PON3: variants seen among roughly 807,000 people sequenced by gnomAD.
The protein encoded by PON3 is paraoxonase 3, also known as serum paraoxonase/lactonase 3.
In PON3, 37 loss-of-function variants were observed where a neutral mutation model predicts 36.3. The ratio of observed to expected loss-of-function variants is 1.02; its 90% CI spans 0.78 to 1.34. The LOEUF is 1.34. Among genes scored for constraint, PON3 ranks in the 40% most tolerant of loss-of-function variants. The pLI is 0.00. For synonymous variants in PON3, 155 were observed against 154.8 expected (o/e 1.00, Z -0.01); for missense variants, 415 against 426.5 (o/e 0.97, Z 0.24).
intron 3 of PON3, among the ~76,000 whole-genome samples, chr7:95,375,907 C>T (rs1330716458): frequency 6.6e-6 from 1 of 152,190 alleles, no homozygotes; most frequent in African/African-American, 2.4e-5. Flanking sequence ...TCCCAACAAA[C>T]TACAGGTAAA....
In PON3 at chr7:95,396,278, T is replaced by TA; in HGVS notation, c.72dup (p.Arg25Ter). The TA allele has an allele frequency of 6.2e-7, 1 of 1,613,894 alleles. No individual in the cohort carries two copies. The highest frequency in any genetic ancestry group is 8.5e-7 in the Non-Finnish European group (1 of 1,179,958). ...ACGCCCTGTCAAGATGCCACTCACC[T>TA]AAACGCCAGGAACATCTCCCCGACT... On this transcript the variant is annotated frameshift_variant and splice_region_variant, in exon 1 of 9. Coordinates refer to ENST00000265627, the MANE Select transcript of PON3 (RefSeq NM_000940.3). LOFTEE classifies it high-confidence loss of function.
chr7:95,382,234 C>G (rs536920961), intron 3 of PON3, among the ~76,000 whole-genome samples: 1 of 152,168 alleles, frequency 6.6e-6, no homozygotes, highest in Admixed American at 6.5e-5. Flanking sequence ...GCACTAAATG[C>G]CCACAAGAGA....
chr7:95,377,179 G>A (rs550297941), intron 3 of PON3, among the ~76,000 whole-genome samples: 1 of 152,316 alleles, frequency 6.6e-6, no homozygotes, highest in South Asian at 2.1e-4. Context: ...CTGCGATGCT[G>A]CAGCTTGGCA....
chr7:95,377,642 G>C (rs1316157928), intron 3 of PON3: 2 of 354,278 alleles, frequency 5.6e-6, no homozygotes, highest in African/African-American at 4.4e-5. Context: ...ACAGGGTCTG[G>C]AGTGGACTTC....
rs752552219 is a variant in PON3 at position 95,396,281 on chromosome 7, A to T, written c.70T>A (p.Phe24Ile). The change falls in exon 1 of 9, where the codon TTT (phenylalanine) becomes ATT (isoleucine). Residue 24 changes from phenylalanine (F) to isoleucine (I), a missense_variant. Phe to Ile is a conservative substitution (Grantham distance 21, BLOSUM62 0). Coordinates refer to ENST00000265627, the MANE Select transcript of PON3 (RefSeq NM_000940.3). ...CCCTGTCAAGATGCCACTCACCTAA[A>T]CGCCAGGAACATCTCCCCGACTAAG... Reference protein sequence around the residue: ...LSLVGEMFLAFRERVNASREV... With the variant: ...LSLVGEMFLAIRERVNASREV... 11 of 1,613,724 alleles carry T rather than the reference A, an allele frequency of 6.8e-6. No individual in the cohort carries two copies. Among genetic ancestry groups the T allele is most frequent in the African/African-American group, 1.3e-5 (1 of 74,836 alleles).
At chr7:95,376,635 G>T (rs1431193162) in intron 3 of PON3, among the ~76,000 whole-genome samples, 1 of 147,118 alleles carries the variant, frequency 6.8e-6, no homozygotes, top group East Asian at 2.0e-4. Context: ...TTTAGTTCCA[G>T]TGAAAATTAA....
At chr7:95,374,090 C>T (rs1808865828) in intron 3 of PON3, among the ~76,000 whole-genome samples, 1 of 152,130 alleles carries the variant, frequency 6.6e-6, no homozygotes, top group South Asian at 2.1e-4. Context: ...TGACCATTCC[C>T]CACTCCCCCT....
intron 3 of PON3, among the ~76,000 whole-genome samples, chr7:95,378,557 C>A (rs868790361): frequency 3.3e-5 from 5 of 152,180 alleles, no homozygotes; most frequent in East Asian, 3.8e-4. Flanking sequence ...GCTGATCTCT[C>A]GGCACAAACC....
At chr7:95,367,128 T>C (rs1808714977) in intron 5 of PON3, among the ~76,000 whole-genome samples, 1 of 152,184 alleles carries the variant, frequency 6.6e-6, no homozygotes, top group South Asian at 2.1e-4. Context: ...TGAGCACCTT[T>C]ATAGGATTAA....
rs547807426 is a variant in PON3 at position 95,389,987 on chromosome 7, G to T, written c.201+167C>A. Among the ~76,000 whole-genome samples the T allele has an allele frequency of 2.0e-5, 3 of 152,310 alleles. No homozygotes were observed. In the South Asian group the frequency reaches 6.2e-4, roughly 32 times the overall value. Reference sequence around the variant, plus strand: ...AGTCAAAGCTGGGCATTCCTGTGGTGTTCTAATTAGCCCTCCAAAATTCTG... The same window carrying T: ...AGTCAAAGCTGGGCATTCCTGTGGTTTTCTAATTAGCCCTCCAAAATTCTG... On this transcript the variant is annotated intron_variant, in intron 3 of 8. Coordinates refer to ENST00000265627, the MANE Select transcript of PON3 (RefSeq NM_000940.3).
intron 3 of PON3, among the ~76,000 whole-genome samples, chr7:95,385,578 A>G (rs186157442): frequency 6.6e-6 from 1 of 152,258 alleles, no homozygotes; most frequent in East Asian, 1.9e-4. Flanking sequence ...CCTCATAGAC[A>G]TACACAGAAC....
At chr7:95,383,002 C>T (rs138302106) in intron 3 of PON3, among the ~76,000 whole-genome samples, 161 of 152,238 alleles carry the variant, frequency 1.1e-3, no homozygotes, top group African/African-American at 3.4e-3. Context: ...AGCTTATGCA[C>T]CAAGATCAAG....
chr7:95,369,851 C>T (rs1808772598), intron 4 of PON3, among the ~76,000 whole-genome samples: 1 of 152,034 alleles, frequency 6.6e-6, no homozygotes, highest in South Asian at 2.1e-4. Context: ...TAGAAAGGTA[C>T]ACAAATTGGA....
chr7:95,385,051 T>C (rs1055100220), intron 3 of PON3, among the ~76,000 whole-genome samples: 78 of 152,068 alleles, frequency 5.1e-4, no homozygotes, highest in African/African-American at 1.8e-3. Context: ...ATGTCCTTTG[T>C]AGGAACATGG....
chr7:95,377,097 C>T (rs1209490434), intron 3 of PON3, among the ~76,000 whole-genome samples: 1 of 152,242 alleles, frequency 6.6e-6, no homozygotes. Context: ...GAAATTCCCT[C>T]CCGTGTCTGG....
chr7:95,360,519 T>A (rs1454273178), intron 8 of PON3, among the ~76,000 whole-genome samples: 1 of 152,186 alleles, frequency 6.6e-6, no homozygotes, highest in Admixed American at 6.5e-5. Context: ...CACCCAGTTA[T>A]CCAGCCAACC....
chr7:95,391,892 T>C (rs1195127395), intron 2 of PON3, among the ~76,000 whole-genome samples: 1 of 152,208 alleles, frequency 6.6e-6, no homozygotes, highest in East Asian at 1.9e-4. Flanking sequence ...ATAAAAAATG[T>C]GTTGTCAGTA....
chr7:95,370,746 T>G (rs1024791353), intron 4 of PON3, among the ~76,000 whole-genome samples: 7 of 152,230 alleles, frequency 4.6e-5, no homozygotes, highest in Non-Finnish European at 7.3e-5. Context: ...TTGGAAACTA[T>G]TGTTTTTAAA....
intron 3 of PON3, among the ~76,000 whole-genome samples, chr7:95,376,626 T>A (rs1376445041): frequency 6.6e-6 from 1 of 150,992 alleles, no homozygotes; most frequent in Non-Finnish European, 1.5e-5. Context: ...TTCAGAACTT[T>A]TAGTTCCAGT....
Sources: allele counts gnomAD v4.1 joint callset (sites outside exome capture counted in the v4.1 genomes callset), GRCh38; gene constraint gnomAD v4.1.1; transcripts MANE v1.5; gene names NCBI Gene and HGNC (gene_info 2026-07-23, HGNC 2026-07-21).